The following DLGAP1 variants were observed in gnomAD, a reference collection of about 807,000 sequenced individuals.
DLGAP1 encodes the protein DLG associated protein 1, also known as disks large-associated protein 1.
Under a neutral mutation model 90.8 loss-of-function variants are expected in DLGAP1, and 11 were observed. The observed-to-expected ratio is 0.12, with a 90% confidence interval of 0.08 to 0.20. DLGAP1 has a LOEUF of 0.20. DLGAP1 is among the 10% of genes least tolerant of loss of function. The pLI is 1.00. For synonymous variants in DLGAP1, 558 were observed against 540.7 expected, an observed-to-expected ratio of 1.03 and a Z score of -0.44; for missense variants, 1,050 against 1,333.8, an observed-to-expected ratio of 0.79 and a Z score of 3.31.
intron 10 of DLGAP1, among the ~76,000 whole-genome samples, chr18:3,533,275 G>A (rs960210039): frequency 6.6e-6 from 1 of 152,168 alleles, no homozygotes; most frequent in African/African-American, 2.4e-5. Context: ...AAAGAATAGT[G>A]TGCGAAAAAG....
At chr18:3,808,809 A>T (rs2066688241) in intron 5 of DLGAP1, among the ~76,000 whole-genome samples, 1 of 152,038 alleles carries the variant, frequency 6.6e-6, no homozygotes, top group Non-Finnish European at 1.5e-5. Flanking sequence ...GGAGCAAAAA[A>T]CGTATACAAG....
At chr18:4,123,347 G>A (rs1373763694) in intron 2 of DLGAP1, among the ~76,000 whole-genome samples, 1 of 152,032 alleles carries the variant, frequency 6.6e-6, no homozygotes, top group Non-Finnish European at 1.5e-5. Context: ...GTTTCCAGTA[G>A]GTAGAACTGG....
intron 7 of DLGAP1, among the ~76,000 whole-genome samples, chr18:3,656,795 CAATCTCGGATCTTG>C (rs1175107191): frequency 6.6e-6 from 1 of 151,856 alleles, no homozygotes; most frequent in Non-Finnish European, 1.5e-5. Flanking sequence ...TGCAGTGGCG[CAATCTCGGATCTTG>C]GATCTCGGCT....
At chr18:3,677,580 C>A (rs887262261) in intron 7 of DLGAP1, among the ~76,000 whole-genome samples, 2 of 152,230 alleles carry the variant, frequency 1.3e-5, no homozygotes, top group Admixed American at 6.5e-5. Flanking sequence ...GACAGAGATC[C>A]ATGTTTCTAG....
chr18:4,008,864 G>A (rs187514105), intron 2 of DLGAP1, among the ~76,000 whole-genome samples: 1 of 152,334 alleles, frequency 6.6e-6, no homozygotes, highest in African/African-American at 2.4e-5. Flanking sequence ...TGCTGATGAA[G>A]CCTTGCTACA....
intron 5 of DLGAP1, among the ~76,000 whole-genome samples, chr18:3,756,061 T>C (rs1427979075): frequency 6.6e-6 from 1 of 152,162 alleles, no homozygotes; most frequent in African/African-American, 2.4e-5. Flanking sequence ...CATTATTTTT[T>C]TTTTTTGAGG....
At chr18:4,024,300 T>C (rs1599343000) in intron 2 of DLGAP1, among the ~76,000 whole-genome samples, 1 of 152,214 alleles carries the variant, frequency 6.6e-6, no homozygotes, top group East Asian at 1.9e-4. Context: ...CACTTCAGTC[T>C]GGAGCTTCTG....
intron 9 of DLGAP1, among the ~76,000 whole-genome samples, chr18:3,537,037 T>TTC (rs2052420105): frequency 6.6e-6 from 1 of 152,086 alleles, no homozygotes; most frequent in East Asian, 1.9e-4. Flanking sequence ...GTATGTCTTT[T>TTC]TTTTTTAAAG....
chr18:4,146,906 AAGT>A (rs1464628382), intron 2 of DLGAP1, among the ~76,000 whole-genome samples: 1 of 152,180 alleles, frequency 6.6e-6, no homozygotes, highest in Non-Finnish European at 1.5e-5. Context: ...TGAGCTCTAA[AAGT>A]AGGCATTGAG....
At chr18:3,543,166 A>ATTTTTTTTTTTTTTTTTT (rs76751283) in intron 9 of DLGAP1, among the ~76,000 whole-genome samples, 2 of 64,150 alleles carry the variant, frequency 3.1e-5, no homozygotes, top group Non-Finnish European at 4.0e-5. Context: ...CATGACTCCA[A>ATTTTTTTTTTTTTTTTTT]TTTTTTTTTT....
chr18:3,580,227 A>C, intron 8 of DLGAP1: 1 of 1,598,838 alleles, frequency 6.3e-7, no homozygotes, highest in Non-Finnish European at 8.6e-7. Context: ...CATTCCCCTC[A>C]GGTGAACCAT....
chr18:4,175,679 T>C (rs2077095928), intron 1 of DLGAP1, among the ~76,000 whole-genome samples: 1 of 152,226 alleles, frequency 6.6e-6, no homozygotes, highest in Non-Finnish European at 1.5e-5. Context: ...TAGGAGATCC[T>C]TTCCCCATTG....
chr18:4,119,753 G>C (rs2076123419), intron 2 of DLGAP1, among the ~76,000 whole-genome samples: 1 of 152,146 alleles, frequency 6.6e-6, no homozygotes. Context: ...TACCCACAAA[G>C]ATGTGGATCA....
chr18:4,333,260 T>TAGGG (rs142456263), intron 1 of DLGAP1, among the ~76,000 whole-genome samples: 4,345 of 152,000 alleles, frequency 0.029, 305 homozygotes, highest in African/African-American at 0.1. Flanking sequence ...TGGCCTCACT[T>TAGGG]ACAGGTTTAC....
intron 1 of DLGAP1, among the ~76,000 whole-genome samples, chr18:4,389,699 T>G (rs1473990625): frequency 6.6e-6 from 1 of 152,210 alleles, no homozygotes; most frequent in African/African-American, 2.4e-5. Context: ...ATAGAAGTTA[T>G]TCCAATGAAC....
chr18:4,162,526 C>A (rs951521575), intron 1 of DLGAP1, among the ~76,000 whole-genome samples: 1 of 152,088 alleles, frequency 6.6e-6, no homozygotes, highest in Non-Finnish European at 1.5e-5. Context: ...ATTATAACTA[C>A]AAGGAAGTAA....
chr18:4,004,055 T>C (rs1425023450), intron 3 of DLGAP1, among the ~76,000 whole-genome samples: 1 of 152,118 alleles, frequency 6.6e-6, no homozygotes, highest in Non-Finnish European at 1.5e-5. Context: ...CTGAGGGTCA[T>C]ATAATTAAAC....
At chr18:3,954,125 A>C (rs1414147436) in intron 3 of DLGAP1, among the ~76,000 whole-genome samples, 1 of 152,226 alleles carries the variant, frequency 6.6e-6, no homozygotes, top group African/African-American at 2.4e-5. Context: ...TTATCATTCA[A>C]AGTAAGAAGG....
chr18:4,228,700 A>G (rs2145034769), intron 1 of DLGAP1, among the ~76,000 whole-genome samples: 1 of 152,142 alleles, frequency 6.6e-6, no homozygotes, highest in Admixed American at 6.5e-5. Flanking sequence ...AAAAGTCAAT[A>G]AAAGTCAATA....
Sources: gnomAD v4.1 joint callset for allele counts (sites outside exome capture counted in the v4.1 genomes callset) on GRCh38, gnomAD v4.1.1 for gene constraint, MANE v1.5 for transcripts, NCBI Gene and HGNC (gene_info 2026-07-23, HGNC 2026-07-21) for gene names.